The following COL14A1 variants were observed in gnomAD, a reference collection of about 807,000 sequenced individuals.
COL14A1 encodes collagen alpha-1(XIV) chain.
In COL14A1, 136 loss-of-function variants were observed where a neutral mutation model predicts 230.3. The observed-to-expected ratio is 0.59, with a 90% CI of 0.51 to 0.68. The LOEUF is 0.68. Among genes scored for constraint, COL14A1 ranks in the 30% least tolerant of loss-of-function variants. COL14A1 has a pLI of 0.00. For missense variants in COL14A1, 1,976 were observed against 2,215.8 expected, an observed-to-expected ratio of 0.89 and a Z score of 2.17; for synonymous variants, 792 against 784.1, an observed-to-expected ratio of 1.01 and a Z score of -0.17.
intron 14 of COL14A1, among the ~76,000 whole-genome samples, chr8:120,217,785 A>C (rs1405114501): frequency 1.3e-5 from 2 of 151,820 alleles, no homozygotes; most frequent in African/African-American, 4.8e-5. Flanking sequence ...TCTCTTTGTC[A>C]CCAGAAATAC....
rs532737985 is a variant in COL14A1 at position 120,130,443 on chromosome 8, T to A, written c.-38+5103T>A. ...TTGTTTCCTCTGCCTCCTCATCTTCTTCCTCTTCATCATTTTCCCTTTTCT... is the reference window on the plus strand; with the variant it reads ...TTGTTTCCTCTGCCTCCTCATCTTCATCCTCTTCATCATTTTCCCTTTTCT... On this transcript the variant is annotated intron_variant, in intron 1 of 47. Transcript: ENST00000297848. Among the ~76,000 whole-genome samples, 5 of 152,300 alleles carry A rather than the reference T, an allele frequency of 3.3e-5. No individual in the cohort carries two copies. In the East Asian group the frequency reaches 9.6e-4, roughly 29 times the overall value.
At chr8:120,343,865 C>A (rs1347527213) in intron 44 of COL14A1, among the ~76,000 whole-genome samples, 5 of 152,240 alleles carry the variant, frequency 3.3e-5, no homozygotes, top group African/African-American at 1.2e-4. Context: ...ATGAGCAGAT[C>A]ATTATTTTCA....
At position 120,250,547 on chromosome 8, in the gene COL14A1, A is replaced by G. The variant is rs772244861; in HGVS notation, c.2603-70A>G. 396 of 1,532,562 alleles carry G rather than the reference A, an allele frequency of 2.6e-4. 1 individual carries two copies. The highest frequency in any genetic ancestry group is 3.3e-4 in the African/African-American group (24 of 73,196). The allele number at this position is 1,532,562 out of a possible 1,614,324, so 94.9% of individuals were successfully genotyped here. On this transcript the variant is annotated intron_variant, in intron 21 of 47. Coordinates refer to ENST00000297848, the MANE Select transcript of COL14A1 (RefSeq NM_021110.4). ...ACTGAAAAGCAGTCAAGTGAATACAATTTGATCTAAGAGTGCTTCTATTTT... is the reference window on the plus strand; with the variant it reads ...ACTGAAAAGCAGTCAAGTGAATACAGTTTGATCTAAGAGTGCTTCTATTTT...
At chr8:120,150,012 T>G (rs1815229399) in intron 2 of COL14A1, among the ~76,000 whole-genome samples, 1 of 152,156 alleles carries the variant, frequency 6.6e-6, no homozygotes, top group Non-Finnish European at 1.5e-5. Context: ...CTGTTTTAAG[T>G]GAACACTTAT....
chr8:120,168,361 G>C (rs984240471), intron 5 of COL14A1, 114 bp downstream of exon 5: 4 of 688,082 alleles, frequency 5.8e-6, no homozygotes, highest in Non-Finnish European at 7.5e-6. Context: ...CTAATACGAA[G>C]ATCGCCTGTG....
chr8:120,269,936 G>A, intron 25 of COL14A1, 99 bp from the exon 26 acceptor site: 1 of 1,253,590 alleles, frequency 8.0e-7, no homozygotes, highest in Admixed American at 2.1e-5. Context: ...TTGAAAAAGA[G>A]CTTCACTTAG....
At chr8:120,203,537 G>C (rs1054628277) in intron 8 of COL14A1, among the ~76,000 whole-genome samples, 172 bp from the exon 9 acceptor site, 1 of 151,692 alleles carries the variant, frequency 6.6e-6, no homozygotes, top group African/African-American at 2.4e-5. Flanking sequence ...TCATTTCATC[G>C]GTTTATTTCG....
chr8:120,369,995 C>T (rs184957386), intron 47 of COL14A1, among the ~76,000 whole-genome samples: 16 of 152,252 alleles, frequency 1.1e-4, no homozygotes, highest in Non-Finnish European at 4.4e-5. Context: ...TTTTAGGTGA[C>T]CAAGAATAGT....
chr8:120,232,133 G>T (rs1172289269), intron 19 of COL14A1: 2 of 152,196 alleles, frequency 1.3e-5, no homozygotes, highest in Non-Finnish European at 2.9e-5. Flanking sequence ...GTATTGAGTA[G>T]ATTTATAGTC....
chr8:120,231,681 T>C (rs1818272763), intron 19 of COL14A1, 63 bp downstream of exon 19: 1 of 1,518,096 alleles, frequency 6.6e-7, no homozygotes, highest in South Asian at 1.2e-5. Flanking sequence ...AATAAGACTG[T>C]CTTCGGAGAT....
At chr8:120,262,768 G>T in intron 23 of COL14A1, 100 bp from the exon 24 acceptor site, 2 of 1,154,918 alleles carry the variant, frequency 1.7e-6, no homozygotes, top group Admixed American at 2.6e-5. Flanking sequence ...TCTGATGTGG[G>T]CTAACATGTG....
chr8:120,162,440 C>T lies in COL14A1; in HGVS notation c.220C>T (p.Gln74Ter). The T allele has an allele frequency of 6.3e-7, 1 of 1,598,376 alleles. No homozygotes were observed. Among genetic ancestry groups the T allele is most frequent in the Non-Finnish European group, 8.5e-7 (1 of 1,174,262 alleles). Reference protein sequence around the residue: ...VTPTSGGKTNQLNLQNTATKA... With the variant: ...VTPTSGGKTN ...TTTTATTATAGGTGGAAAAACTAACCAGCTGAATCTGCAGAACACTGCAAC... is the reference window on the plus strand; with the variant it reads ...TTTTATTATAGGTGGAAAAACTAACTAGCTGAATCTGCAGAACACTGCAAC... Residue 74 changes from glutamine to a stop codon, truncating the protein, a stop_gained, in exon 4 of 48, where the codon CAG becomes TAG. Transcript: ENST00000297848. LOFTEE classifies it high-confidence loss of function.
At chr8:120,277,941 T>C (rs1020098276) in intron 26 of COL14A1, 170 bp from the exon 27 acceptor site, 1 of 550,478 alleles carries the variant, frequency 1.8e-6, no homozygotes, top group Non-Finnish European at 3.0e-6. Flanking sequence ...AAGATGTATT[T>C]AATTTGTCTT....
At chr8:120,211,211 C>T (rs1223834844) in intron 12 of COL14A1, among the ~76,000 whole-genome samples, 1 of 152,054 alleles carries the variant, frequency 6.6e-6, no homozygotes, top group Non-Finnish European at 1.5e-5. Context: ...AATGCAGGCA[C>T]TTGGTTGGAA....
intron 33 of COL14A1, 78 bp downstream of exon 33, chr8:120,286,048 G>A: frequency 2.5e-6 from 2 of 808,354 alleles, no homozygotes; most frequent in Non-Finnish European, 4.1e-6. Context: ...ATTCCATAGG[G>A]CTTTGGATCT....
chr8:120,268,212 T>C (rs16893803), intron 25 of COL14A1, among the ~76,000 whole-genome samples: 3,851 of 151,914 alleles, frequency 0.025, 159 homozygotes, highest in African/African-American at 0.087. Flanking sequence ...ACATGTCTTA[T>C]GCTGTATCTT....
intron 17 of COL14A1, among the ~76,000 whole-genome samples, chr8:120,227,961 G>A (rs901519733): frequency 2.0e-5 from 3 of 152,198 alleles, no homozygotes; most frequent in South Asian, 2.1e-4. Flanking sequence ...GTAAAAAACT[G>A]AGGACAGCAG....
intron 36 of COL14A1, among the ~76,000 whole-genome samples, chr8:120,302,202 G>T (rs917469017): frequency 2.6e-5 from 4 of 152,170 alleles, no homozygotes; most frequent in Non-Finnish European, 4.4e-5. Flanking sequence ...TTACTCTGTT[G>T]ATAGTTACTT....
intron 21 of COL14A1, 150 bp from the exon 22 acceptor site, chr8:120,250,467 T>G: frequency 1.3e-6 from 1 of 782,100 alleles, no homozygotes; most frequent in Non-Finnish European, 2.1e-6. Context: ...TAGAGCTAGA[T>G]GAGACCAGAT....
Sources: gnomAD v4.1 joint callset for allele counts (sites outside exome capture counted in the v4.1 genomes callset) on GRCh38, gnomAD v4.1.1 for gene constraint, MANE v1.5 for transcripts, NCBI Gene and HGNC (gene_info 2026-07-23, HGNC 2026-07-21) for gene names.